FUT8: variants seen among roughly 807,000 people sequenced by gnomAD.
The protein encoded by FUT8 is alpha-(1,6)-fucosyltransferase.
In FUT8, 29 loss-of-function variants were observed where a neutral mutation model predicts 71.3. The ratio of observed to expected loss-of-function variants is 0.41; its 90% confidence interval spans 0.30 to 0.55. The LOEUF (loss-of-function observed/expected upper bound fraction) is 0.55. FUT8 is among the 20% of genes least tolerant of loss of function. FUT8 has a pLI of 0.34. For missense variants in FUT8, 544 were observed against 702.1 expected, an observed-to-expected ratio of 0.77 and a Z score of 2.55; for synonymous variants, 254 against 239.3, an observed-to-expected ratio of 1.06 and a Z score of -0.57.
chr14:65,670,317 T>G (rs1892414434), intron 7 of FUT8, among the ~76,000 whole-genome samples: 2 of 152,218 alleles, frequency 1.3e-5, no homozygotes, highest in South Asian at 4.1e-4. Context: ...AACCTAGGTC[T>G]TAGTTTCCTT....
chr14:65,574,628 T>C lies in FUT8; in HGVS notation c.203+12862T>C, dbSNP rs564636305. Reference sequence around the variant, plus strand: ...AGAATAATATATTTTTAATTAAACATGAAAAGCTTTAAATGGTGCTTCTTG... The same window carrying C: ...AGAATAATATATTTTTAATTAAACACGAAAAGCTTTAAATGGTGCTTCTTG... On this transcript the variant is annotated intron_variant, in intron 3 of 10. Coordinates refer to ENST00000673929, the MANE Select transcript of FUT8 (RefSeq NM_001371533.1). This position sits in a 1 kb window ranked among gnomAD's most constrained non-coding sequence, Gnocchi z 5.2. Among the ~76,000 whole-genome samples, 2 of 152,320 alleles carry C rather than the reference T, an allele frequency of 1.3e-5. No individual in the cohort carries two copies. Among genetic ancestry groups the C allele is most frequent in the South Asian group, 2.1e-4 (1 of 4,830 alleles).
Position 65,627,953 on chromosome 14 carries a change from T to G in FUT8, c.483-1539T>G, listed in dbSNP as rs12886334. ...GGGTGCCTTCTTCTGCCCTCTTAAG[T>G]CTGCCTAGCTACCTACTCAAACAGG... On this transcript the variant is annotated intron_variant, in intron 5 of 10. Coordinates refer to ENST00000673929, the MANE Select transcript of FUT8 (RefSeq NM_001371533.1). This position sits in a 1 kb window ranked among gnomAD's most constrained non-coding sequence, Gnocchi z 4.0. Among the ~76,000 whole-genome samples the G allele has an allele frequency of 0.35, 53,826 of 151,948 alleles. 11,896 individuals carry two copies. The highest frequency in any genetic ancestry group is 0.5 in the Non-Finnish European group (33,821 of 67,942).
At chr14:65,684,547 G>A (rs1027772774) in intron 7 of FUT8, among the ~76,000 whole-genome samples, 1 of 152,118 alleles carries the variant, frequency 6.6e-6, no homozygotes, top group African/African-American at 2.4e-5. Context: ...TGTTGTCAAG[G>A]GCAAACTAGC....
intron 2 of FUT8, among the ~76,000 whole-genome samples, chr14:65,499,279 T>C (rs1175244355): frequency 1.3e-5 from 2 of 152,194 alleles, no homozygotes; most frequent in East Asian, 1.9e-4. Context: ...TATAGCATTT[T>C]CATTACCAGT....
At chr14:65,502,847 A>C (rs982262389) in intron 2 of FUT8, among the ~76,000 whole-genome samples, 6 of 152,154 alleles carry the variant, frequency 3.9e-5, no homozygotes, top group African/African-American at 1.4e-4. Flanking sequence ...TCTTGGTAAA[A>C]TACTGATTCT....
chr14:65,585,675 TA>T (rs1887344136), intron 3 of FUT8, among the ~76,000 whole-genome samples: 1 of 152,196 alleles, frequency 6.6e-6, no homozygotes, highest in South Asian at 2.1e-4. Flanking sequence ...AAAGTAAATA[TA>T]AATGCTTTTT....
intron 2 of FUT8, among the ~76,000 whole-genome samples, chr14:65,480,465 T>C (rs561123408): frequency 3.3e-5 from 5 of 151,778 alleles, no homozygotes; most frequent in African/African-American, 1.2e-4. Context: ...ACAGGTACAC[T>C]CCATCATGCC....
At position 65,574,131 on chromosome 14, in the gene FUT8, C is replaced by T. The variant is rs1361103320; in HGVS notation, c.203+12365C>T. ...TTGATATTGTTTGGACTAAGGGCCT[C>T]AGTTTCTTGCTGTCTGCCAGAGGCT... On this transcript the variant is annotated intron_variant, in intron 3 of 10. Transcript: ENST00000673929. This position sits in a 1 kb window ranked among gnomAD's most constrained non-coding sequence, Gnocchi z 5.2. 2.0e-5 allele frequency among the ~76,000 whole-genome samples: 3 copies of T among 152,256 alleles called. No individual in the cohort carries two copies. Among genetic ancestry groups the T allele is most frequent in the African/African-American group, 7.2e-5 (3 of 41,540 alleles).
chr14:65,478,972 T>A (rs1019769006), intron 2 of FUT8, among the ~76,000 whole-genome samples: 1 of 152,244 alleles, frequency 6.6e-6, no homozygotes, highest in Non-Finnish European at 1.5e-5. Flanking sequence ...AATTCCCTGT[T>A]AGGCTTTGGT....
chr14:65,692,361 A>T (rs541222143), intron 7 of FUT8, among the ~76,000 whole-genome samples: 13,943 of 100,206 alleles, frequency 0.14, 248 homozygotes, highest in South Asian at 0.26. Flanking sequence ...CGGGGGGCTG[A>T]CCCCCCCACC....
chr14:65,569,332 G>A (rs1886358619), intron 3 of FUT8, among the ~76,000 whole-genome samples: 1 of 151,376 alleles, frequency 6.6e-6, no homozygotes, highest in Non-Finnish European at 1.5e-5. Flanking sequence ...TTTCCTTATG[G>A]AATTCCAATT....
At chr14:65,671,424 A>T (rs1312510951) in intron 7 of FUT8, among the ~76,000 whole-genome samples, 2 of 152,192 alleles carry the variant, frequency 1.3e-5, no homozygotes, top group East Asian at 3.8e-4. Context: ...TGTAGAAAGC[A>T]TCCTTTCTTT....
chr14:65,446,034 A>G (rs1008566579), intron 1 of FUT8, among the ~76,000 whole-genome samples: 1 of 152,250 alleles, frequency 6.6e-6, no homozygotes, highest in South Asian at 2.1e-4. Context: ...ACTATCATTT[A>G]TTGAAATAAT....
In FUT8 at chr14:65,660,406, C is replaced by CT. The variant is rs1891902266; in HGVS notation, c.598-8836dup. Among the ~76,000 whole-genome samples, 1 of 152,132 alleles carries CT rather than the reference C, an allele frequency of 6.6e-6. No homozygotes were observed. Among genetic ancestry groups the CT allele is most frequent in the Admixed American group, 6.5e-5 (1 of 15,276 alleles). On this transcript the variant is annotated intron_variant, in intron 6 of 10. Transcript: ENST00000673929. The surrounding 1 kb of genome is among the most constrained non-coding windows in gnomAD (Gnocchi z 4.1). ...TTTAAAATGTATTATTTAAAGTAAGCTAAATGTGGCTTTACTTACCAAGAT... is the reference window on the plus strand; with the variant it reads ...TTTAAAATGTATTATTTAAAGTAAGCTTAAATGTGGCTTTACTTACCAAGAT...
At chr14:65,611,195 A>ACG (rs1888889922) in intron 3 of FUT8, among the ~76,000 whole-genome samples, 1 of 14,310 alleles carries the variant, frequency 7.0e-5, no homozygotes, top group African/African-American at 1.3e-4. Flanking sequence ...ACACACACAC[A>ACG]CACGCGCGCG....
Position 65,742,640 on chromosome 14 carries a change from T to C in FUT8, c.*230T>C, listed in dbSNP as rs1346819800. ...ACCCATGCACAGTACAATAATGTAC[T>C]CACATATAACATGCAAACAGGTTGT... On this transcript the variant is annotated 3_prime_UTR_variant, in exon 11 of 11. Transcript: ENST00000673929. 1 of 470,230 alleles carries C rather than the reference T, an allele frequency of 2.1e-6. No homozygotes were observed. The highest frequency in any genetic ancestry group is 3.8e-6 in the Non-Finnish European group (1 of 263,082). The allele number at this position is 470,230 out of a possible 1,614,324, so 29.1% of individuals were successfully genotyped here.
chr14:65,535,083 TTTTA>T (rs1884206950), intron 2 of FUT8, among the ~76,000 whole-genome samples: 1 of 150,102 alleles, frequency 6.7e-6, no homozygotes, highest in Non-Finnish European at 1.5e-5. Context: ...TATTTTTTAA[TTTTA>T]TTTTTTATTT....
At chr14:65,719,278 C>T (rs1391927948) in intron 7 of FUT8, among the ~76,000 whole-genome samples, 1 of 151,996 alleles carries the variant, frequency 6.6e-6, no homozygotes, top group African/African-American at 2.4e-5. Flanking sequence ...TTTTTCAACC[C>T]CAGAATTTCT....
intron 5 of FUT8, among the ~76,000 whole-genome samples, chr14:65,621,252 T>TG (rs1889590788): frequency 6.6e-6 from 1 of 152,132 alleles, no homozygotes; most frequent in East Asian, 1.9e-4. Flanking sequence ...CCTGTTTTTT[T>TG]TTTTGTTTTG....
Sources: gnomAD v4.1 joint callset for allele counts (sites outside exome capture counted in the v4.1 genomes callset) on GRCh38, gnomAD v4.1.1 for gene constraint, Gnocchi (gnomAD v3.1) non-coding constraint, MANE v1.5 for transcripts, NCBI Gene and HGNC (gene_info 2026-07-23, HGNC 2026-07-21) for gene names.